Variants in AGMO observed in about 807,000 individuals in gnomAD.
AGMO encodes the protein alkylglycerol monooxygenase, also known as glyceryl-ether monooxygenase.
A neutral mutation model predicts 60.2 loss-of-function variants in AGMO; 75 were observed. The observed-to-expected ratio is 1.25, with a 90% CI of 1.03 to 1.51. The LOEUF is 1.51. AGMO is among the 40% of genes most tolerant of loss of function. The probability of loss-of-function intolerance (pLI) is 0.00; values close to 1 mark genes in which losing one functional copy is unlikely to be tolerated. For missense variants in AGMO, 763 were observed against 525.5 expected (o/e 1.45, Z -4.42); for synonymous variants, 261 against 177.1 (o/e 1.47, Z -3.76).
chr7:15,409,919 A>G (rs1276454936), intron 5 of AGMO, among the ~76,000 whole-genome samples: 1 of 151,746 alleles, frequency 6.6e-6, no homozygotes, highest in Non-Finnish European at 1.5e-5. Context: ...ACAAATTCTA[A>G]TGAGTTGTTA....
At chr7:15,328,386 C>T (rs1216320538) in intron 12 of AGMO, among the ~76,000 whole-genome samples, 1 of 152,156 alleles carries the variant, frequency 6.6e-6, no homozygotes, top group Non-Finnish European at 1.5e-5. Context: ...CGTGAGCCAC[C>T]ACGCCCAGCC....
chr7:15,309,493 A>G (rs950912158), intron 12 of AGMO, among the ~76,000 whole-genome samples: 3 of 152,128 alleles, frequency 2.0e-5, no homozygotes, highest in African/African-American at 7.2e-5. Flanking sequence ...ACTTTTCTCC[A>G]TTTCCCCTAA....
chr7:15,456,277 A>C (rs1421463175), intron 3 of AGMO, among the ~76,000 whole-genome samples: 1 of 152,098 alleles, frequency 6.6e-6, no homozygotes, highest in Non-Finnish European at 1.5e-5. Context: ...TGCTAGTATA[A>C]TGTAATTTTA....
intron 12 of AGMO, among the ~76,000 whole-genome samples, chr7:15,359,291 C>CAAAAAAAAA (rs398003765): frequency 1.7e-5 from 2 of 115,138 alleles, no homozygotes; most frequent in East Asian, 5.0e-4. Flanking sequence ...TCCGTCTCAA[C>CAAAAAAAAA]AAAAAAAAAA....
rs373038671 is a variant in AGMO at position 15,503,332 on chromosome 7, G to C, written c.409+41440C>G. Reference sequence around the variant, plus strand: ...CAGATTTTACAGATGAAGAAAGTAGGATGAAAAAAGATAAATAAATTATCC... The same window carrying C: ...CAGATTTTACAGATGAAGAAAGTAGCATGAAAAAAGATAAATAAATTATCC... On this transcript the variant is annotated intron_variant, in intron 3 of 12. Coordinates refer to ENST00000342526, the MANE Select transcript of AGMO (RefSeq NM_001004320.2). Among the ~76,000 whole-genome samples, 3 of 151,968 alleles carry C rather than the reference G, an allele frequency of 2.0e-5. No homozygotes were observed. In the East Asian group the frequency reaches 5.8e-4, roughly 29 times the overall value.
At chr7:15,264,351 C>T (rs1783370478) in intron 12 of AGMO, among the ~76,000 whole-genome samples, 1 of 151,638 alleles carries the variant, frequency 6.6e-6, no homozygotes, top group Admixed American at 6.6e-5. Flanking sequence ...AAATTATCTG[C>T]AATAAAACCA....
At chr7:15,254,682 C>G (rs1783045102) in intron 12 of AGMO, among the ~76,000 whole-genome samples, 1 of 150,114 alleles carries the variant, frequency 6.7e-6, no homozygotes, top group African/African-American at 2.5e-5. Context: ...TACGAAAGAT[C>G]AATGAGACAA....
At chr7:15,333,439 T>G (rs1781558747) in intron 12 of AGMO, among the ~76,000 whole-genome samples, 1 of 151,994 alleles carries the variant, frequency 6.6e-6, no homozygotes, top group Non-Finnish European at 1.5e-5. Flanking sequence ...TGATGATTAT[T>G]TTTTACCACA....
chr7:15,148,107 T>G, the AGMO span, among the ~76,000 whole-genome samples: 1 of 152,174 alleles, frequency 6.6e-6, no homozygotes, highest in African/African-American at 2.4e-5. Flanking sequence ...TTATTTAGAC[T>G]TAGTTAACAT....
At chr7:15,484,120 A>G (rs2128518530) in intron 3 of AGMO, among the ~76,000 whole-genome samples, 1 of 152,310 alleles carries the variant, frequency 6.6e-6, no homozygotes, top group African/African-American at 2.4e-5. Context: ...GCCTTCCAAA[A>G]TGATTGCACC....
At chr7:15,361,898 AGAG>A (rs1782781577) in intron 12 of AGMO, among the ~76,000 whole-genome samples, 1 of 152,180 alleles carries the variant, frequency 6.6e-6, no homozygotes, top group Non-Finnish European at 1.5e-5. Context: ...CCTTCTAGAT[AGAG>A]AAGAGTCACA....
At chr7:15,132,490 C>A in the AGMO span, among the ~76,000 whole-genome samples, 3 of 152,146 alleles carry the variant, frequency 2.0e-5, no homozygotes, top group Non-Finnish European at 4.4e-5. Context: ...GGCAGCACAG[C>A]TCCAACTTAC....
chr7:15,426,447 C>A (rs533614541), intron 4 of AGMO, among the ~76,000 whole-genome samples: 18 of 152,026 alleles, frequency 1.2e-4, no homozygotes, highest in Admixed American at 7.2e-4. Flanking sequence ...ACCAAACAAA[C>A]AAACAAAAAC....
chr7:15,557,943 A>G (rs147549003), intron 2 of AGMO, among the ~76,000 whole-genome samples: 65 of 152,080 alleles, frequency 4.3e-4, no homozygotes, highest in African/African-American at 1.5e-3. Flanking sequence ...GTGAAGGAAA[A>G]GAACCTCATG....
intron 12 of AGMO, among the ~76,000 whole-genome samples, chr7:15,251,075 A>G (rs1406691206): frequency 6.6e-6 from 1 of 152,132 alleles, no homozygotes; most frequent in Admixed American, 6.5e-5. Context: ...GCTTAAATAT[A>G]TTAATATAAT....
intron 4 of AGMO, among the ~76,000 whole-genome samples, chr7:15,424,308 T>C (rs1163552906): frequency 3.9e-5 from 6 of 152,108 alleles, no homozygotes; most frequent in Non-Finnish European, 7.4e-5. Context: ...CTGGCCCTGC[T>C]AGTCAAAAGT....
At chr7:15,393,969 G>C (rs1784258419) in intron 6 of AGMO, 144 bp downstream of exon 6, 1 of 281,508 alleles carries the variant, frequency 3.6e-6, no homozygotes, top group South Asian at 3.1e-5. Flanking sequence ...TTGTACCAAA[G>C]AAGATAGAAA....
chr7:15,142,286 A>T, the AGMO span, among the ~76,000 whole-genome samples: 1 of 152,186 alleles, frequency 6.6e-6, no homozygotes, highest in Non-Finnish European at 1.5e-5. Context: ...GTTAGTTATT[A>T]TTAGGGCCCC....
chr7:15,122,327 A>AT, the AGMO span, among the ~76,000 whole-genome samples: 1 of 152,132 alleles, frequency 6.6e-6, no homozygotes, highest in South Asian at 2.1e-4. Context: ...CAGACTATCC[A>AT]TATGCTCATT....
Sources: allele counts gnomAD v4.1 joint callset (sites outside exome capture counted in the v4.1 genomes callset), GRCh38; gene constraint gnomAD v4.1.1; transcripts MANE v1.5; gene names NCBI Gene and HGNC (gene_info 2026-07-23, HGNC 2026-07-21).